TRPM3: variants seen among roughly 807,000 people sequenced by gnomAD.
TRPM3 encodes transient receptor potential cation channel subfamily M member 3.
Under a neutral mutation model 181.2 loss-of-function variants are expected in TRPM3, and 77 were observed. The observed-to-expected ratio is 0.42, with a 90% CI of 0.35 to 0.51. TRPM3 has a LOEUF of 0.51. TRPM3 is among the 20% of genes least tolerant of loss of function. The pLI is 0.01. For missense variants in TRPM3, 1,759 were observed against 2,196.7 expected (o/e 0.80, Z 3.98); for synonymous variants, 745 against 796.4 (o/e 0.94, Z 1.09).
At chr9:70,915,918 AAAG>A (rs1353402414) in intron 1 of TRPM3, among the ~76,000 whole-genome samples, 1 of 151,204 alleles carries the variant, frequency 6.6e-6, no homozygotes, top group African/African-American at 2.4e-5. Flanking sequence ...GATTTGATCC[AAAG>A]AAGACTACTC....
intron 7 of TRPM3, among the ~76,000 whole-genome samples, chr9:70,765,592 A>AAAAAAC (rs1296058152): frequency 1.3e-5 from 2 of 151,506 alleles, no homozygotes; most frequent in African/African-American, 4.8e-5. Flanking sequence ...ACTCCATCTC[A>AAAAAAC]AAAAACAAAA....
At chr9:71,133,731 T>C (rs760196189) in intron 1 of TRPM3, among the ~76,000 whole-genome samples, 34 of 152,354 alleles carry the variant, frequency 2.2e-4, no homozygotes, top group Non-Finnish European at 1.5e-4. Context: ...ATTTTGATGA[T>C]GTTGTTATTT....
At chr9:71,112,418 C>T (rs866020549) in intron 1 of TRPM3, among the ~76,000 whole-genome samples, 7 of 152,038 alleles carry the variant, frequency 4.6e-5, no homozygotes, top group African/African-American at 1.4e-4. Context: ...TCACTGAGCA[C>T]GAAATATTGG....
chr9:70,989,444 C>G (rs1337182253), intron 1 of TRPM3, among the ~76,000 whole-genome samples: 2 of 152,212 alleles, frequency 1.3e-5, no homozygotes, highest in African/African-American at 4.8e-5. Context: ...GCTAAACAAT[C>G]TAGAAGCAAC....
In TRPM3 at chr9:71,075,811, G is replaced by A. The variant is rs1324761743; in HGVS notation, c.177+45367C>T. 3.3e-5 allele frequency among the ~76,000 whole-genome samples: 5 copies of A among 152,168 alleles called. No homozygotes were observed. The East Asian group carries it at 7.7e-4, about 23-fold the overall frequency. On this transcript the variant is annotated intron_variant, in intron 1 of 25. Coordinates refer to ENST00000677713, the MANE Select transcript of TRPM3 (RefSeq NM_001366145.2). ...GTTTATAATAGGATCTTGATGAACA[G>A]AAATACTGTACACTATTCTTAATTG...
chr9:71,245,190 T>C (rs900326500), intron 1 of TRPM3, among the ~76,000 whole-genome samples: 2 of 152,168 alleles, frequency 1.3e-5, no homozygotes, highest in Admixed American at 1.3e-4. Flanking sequence ...AGCTCATGCC[T>C]GTAATCCCAG....
intron 1 of TRPM3, among the ~76,000 whole-genome samples, chr9:71,343,970 A>G (rs1043608305): frequency 2.0e-5 from 3 of 152,166 alleles, no homozygotes; most frequent in Admixed American, 6.5e-5. Flanking sequence ...ATAAATGATA[A>G]CAATTATAAC....
At chr9:71,343,867 A>G (rs2091122242) in intron 1 of TRPM3, among the ~76,000 whole-genome samples, 1 of 152,130 alleles carries the variant, frequency 6.6e-6, no homozygotes, top group Non-Finnish European at 1.5e-5. Context: ...TAAGGAAGTT[A>G]TTTTTAAGAA....
At chr9:70,925,714 A>G (rs1377140990) in intron 1 of TRPM3, among the ~76,000 whole-genome samples, 1 of 152,036 alleles carries the variant, frequency 6.6e-6, no homozygotes, top group African/African-American at 2.4e-5. Context: ...CTCATTTTCC[A>G]AAATAATTTG....
intron 7 of TRPM3, among the ~76,000 whole-genome samples, chr9:70,772,953 A>AT (rs370753156): frequency 5.3e-5 from 8 of 151,606 alleles, no homozygotes; most frequent in Non-Finnish European, 8.8e-5. Flanking sequence ...GAAAAGTCAA[A>AT]TTTTTTTTAT....
intron 1 of TRPM3, among the ~76,000 whole-genome samples, chr9:71,360,296 T>C (rs769130784): frequency 4.6e-5 from 7 of 152,258 alleles, no homozygotes; most frequent in Admixed American, 6.5e-5. Context: ...CTTGAACGAG[T>C]CTCTACCATT....
chr9:70,844,848 T>C (rs2132045081), intron 4 of TRPM3, among the ~76,000 whole-genome samples: 1 of 152,340 alleles, frequency 6.6e-6, no homozygotes, highest in East Asian at 1.9e-4. Context: ...TTTGAACCTG[T>C]AGAACCCTTT....
At chr9:71,322,678 A>G (rs1056628465) in intron 1 of TRPM3, among the ~76,000 whole-genome samples, 24 of 152,198 alleles carry the variant, frequency 1.6e-4, no homozygotes, top group Admixed American at 9.2e-4. Flanking sequence ...TATATGAGGT[A>G]GACATTTTGT....
At chr9:71,423,154 G>C (rs766895944) in intron 1 of TRPM3, among the ~76,000 whole-genome samples, 2 of 151,928 alleles carry the variant, frequency 1.3e-5, no homozygotes, top group African/African-American at 4.8e-5. Flanking sequence ...ATTTCCTGCT[G>C]TGAGCAAGTT....
At chr9:71,389,183 C>T (rs12003727) in intron 1 of TRPM3, among the ~76,000 whole-genome samples, 2,102 of 151,736 alleles carry the variant, frequency 0.014, 45 homozygotes, top group East Asian at 0.085. Context: ...CATGAATAGA[C>T]AATTCTCAAA....
intron 1 of TRPM3, among the ~76,000 whole-genome samples, chr9:71,110,397 A>C (rs76423606): frequency 0.011 from 1,607 of 152,312 alleles, 35 homozygotes; most frequent in African/African-American, 0.037. Flanking sequence ...ATGTAATTCA[A>C]ATTTCGTTGT....
intron 16 of TRPM3, among the ~76,000 whole-genome samples, chr9:70,619,538 T>G (rs943671926): frequency 1.3e-5 from 2 of 149,700 alleles, no homozygotes; most frequent in Admixed American, 6.8e-5. Context: ...CTTAGCTTCC[T>G]GAGCAGCTAG....
rs144166602 is a variant in TRPM3, at chr9:71,169,038, C to A, written c.183+277615G>T. Reference sequence around the variant, plus strand: ...CAGATGAAGGGCAGGTTGTATCAGGCATTGGCATCAGGGAGATAATAGGGA... The same window carrying A: ...CAGATGAAGGGCAGGTTGTATCAGGAATTGGCATCAGGGAGATAATAGGGA... On this transcript the variant is annotated intron_variant, in intron 1 of 24. Coordinates refer to the TRPM3 transcript ENST00000357533. 1.9e-3 allele frequency among the ~76,000 whole-genome samples: 288 copies of A among 152,234 alleles called. 1 individual carries two copies. The highest frequency in any genetic ancestry group is 6.8e-3 in the African/African-American group (281 of 41,546).
rs540023754 is a variant in TRPM3 at position 70,556,709 on chromosome 9, A to G, written c.3224-3399T>C. The stretch of plus-strand genomic sequence containing the variant: ...TGGACTCTAGCCTTGGTGACACAGC[A>G]AGACCCTGTCTCAAAAACAAAAACC... On this transcript the variant is annotated intron_variant, in intron 22 of 25. Coordinates refer to ENST00000677713, the MANE Select transcript of TRPM3 (RefSeq NM_001366145.2). Among the ~76,000 whole-genome samples, 72 of 152,232 alleles carry G rather than the reference A, an allele frequency of 4.7e-4. 1 individual carries two copies. In the South Asian group the frequency reaches 0.015, roughly 32 times the overall value.
Sources: gnomAD v4.1 joint callset for allele counts (sites outside exome capture counted in the v4.1 genomes callset) on GRCh38, gnomAD v4.1.1 for gene constraint, MANE v1.5 for transcripts, NCBI Gene and HGNC (gene_info 2026-07-23, HGNC 2026-07-21) for gene names.